The following KLHL20 variants were observed in gnomAD, a reference collection of about 807,000 sequenced individuals.
KLHL20 encodes kelch like family member 20.
A neutral mutation model predicts 69.5 loss-of-function variants in KLHL20; 29 were observed. That is an observed-to-expected ratio of 0.42 (90% CI 0.31 to 0.57). The LOEUF is 0.57. KLHL20 is among the 20% of genes least tolerant of loss of function. The probability of loss-of-function intolerance (pLI) is 0.18; values close to 1 mark genes in which losing one functional copy is unlikely to be tolerated. For missense variants in KLHL20, 419 were observed against 776.0 expected (o/e 0.54, Z 5.47); for synonymous variants, 253 against 265.2 (o/e 0.95, Z 0.45).
chr1:173,773,003 G>T (rs553349559), intron 8 of KLHL20, among the ~76,000 whole-genome samples: 5 of 152,282 alleles, frequency 3.3e-5, no homozygotes, highest in African/African-American at 9.6e-5. Flanking sequence ...TAGAGACAGG[G>T]TCTCACTCTG....
At chr1:173,754,308 C>A (rs574691513) in intron 5 of KLHL20, among the ~76,000 whole-genome samples, 2 of 151,932 alleles carry the variant, frequency 1.3e-5, no homozygotes, top group Admixed American at 1.3e-4. Context: ...ACAGACAGGC[C>A]GGGCGCAGTG....
intron 2 of KLHL20, among the ~76,000 whole-genome samples, chr1:173,720,418 T>C (rs1321629413): frequency 6.6e-6 from 1 of 151,890 alleles, no homozygotes; most frequent in Non-Finnish European, 1.5e-5. Context: ...TAGGGTATTT[T>C]GAGGAAGAAG....
At chr1:173,773,537 G>A (rs1648245509) in intron 8 of KLHL20, among the ~76,000 whole-genome samples, 1 of 151,892 alleles carries the variant, frequency 6.6e-6, no homozygotes, top group Non-Finnish European at 1.5e-5. Context: ...ATAATAAAAA[G>A]GTTGTCTCAA....
intron 3 of KLHL20, among the ~76,000 whole-genome samples, chr1:173,749,234 T>C (rs1445337356): frequency 3.3e-5 from 5 of 152,200 alleles, no homozygotes; most frequent in Non-Finnish European, 5.9e-5. Flanking sequence ...AAACATACAT[T>C]TTTAAATTGT....
At chr1:173,757,404 G>T (rs907884196) in intron 7 of KLHL20, among the ~76,000 whole-genome samples, 4 of 152,080 alleles carry the variant, frequency 2.6e-5, no homozygotes, top group Non-Finnish European at 5.9e-5. Flanking sequence ...ATTGCCTGCA[G>T]TTCCTTGGAC....
At chr1:173,730,631 A>G (rs1251394010) in intron 2 of KLHL20, among the ~76,000 whole-genome samples, 1 of 152,232 alleles carries the variant, frequency 6.6e-6, no homozygotes, top group African/African-American at 2.4e-5. Flanking sequence ...AGGATTCCCT[A>G]TTTAATAAAT....
chr1:173,738,560 T>C (rs1251837130), intron 3 of KLHL20, among the ~76,000 whole-genome samples: 1 of 152,198 alleles, frequency 6.6e-6, no homozygotes, highest in Non-Finnish European at 1.5e-5. Context: ...GTGGGCATCT[T>C]TGTCTTGTTC....
rs1160668086 is a variant in KLHL20, at chr1:173,740,406, G to A, written c.597+6120G>A. Among the ~76,000 whole-genome samples the A allele has an allele frequency of 5.3e-5, 8 of 151,682 alleles. No homozygotes were observed. The East Asian group carries it at 1.6e-3, about 29-fold the overall frequency. On this transcript the variant is annotated intron_variant, in intron 3 of 11. Transcript: ENST00000209884. ...ATTACAAGTGTGAGCCACCATGCCC[G>A]GCCTATCATTTCTTTTCTTCTGCTG... is the stretch of plus-strand genomic sequence containing the variant.
chr1:173,741,059 CCTT>C (rs932448960), intron 3 of KLHL20, among the ~76,000 whole-genome samples: 18 of 152,272 alleles, frequency 1.2e-4, no homozygotes, highest in African/African-American at 4.3e-4. Context: ...AAGATTATAT[CCTT>C]CTCCCATAAT....
chr1:173,779,182 C>A (rs1558225971), intron 10 of KLHL20, among the ~76,000 whole-genome samples: 1 of 152,052 alleles, frequency 6.6e-6, no homozygotes, highest in East Asian at 1.9e-4. Flanking sequence ...TTAATTTCTT[C>A]ATTTCTTCAT....
At chr1:173,740,011 A>G (rs372725395) in intron 3 of KLHL20, among the ~76,000 whole-genome samples, 1 of 151,198 alleles carries the variant, frequency 6.6e-6, no homozygotes, top group Non-Finnish European at 1.5e-5. Context: ...ATAATGGTCT[A>G]TCCATTTTGT....
chr1:173,730,661 A>T (rs1672225567), intron 2 of KLHL20, among the ~76,000 whole-genome samples: 1 of 152,246 alleles, frequency 6.6e-6, no homozygotes, highest in African/African-American at 2.4e-5. Context: ...AAAACTGGCT[A>T]GCTGTATGTA....
intron 3 of KLHL20, among the ~76,000 whole-genome samples, chr1:173,750,824 T>C (rs112791097): frequency 1.5e-4 from 23 of 152,042 alleles, no homozygotes. Context: ...GCCTCCCAAA[T>C]TGCTAGGATT....
At chr1:173,741,348 T>C (rs1672799421) in intron 3 of KLHL20, among the ~76,000 whole-genome samples, 1 of 152,200 alleles carries the variant, frequency 6.6e-6, no homozygotes, top group South Asian at 2.1e-4. Context: ...TTACATATTT[T>C]CTATTTTATA....
In KLHL20 at chr1:173,776,443, A is replaced by G. The variant is rs573581234; in HGVS notation, c.1638+601A>G. Among the ~76,000 whole-genome samples, 5 of 151,858 alleles carry G rather than the reference A, an allele frequency of 3.3e-5. 1 individual carries two copies. The highest frequency in any genetic ancestry group is 9.7e-5 in the African/African-American group (4 of 41,430). On this transcript the variant is annotated intron_variant, in intron 10 of 11. Coordinates refer to ENST00000209884, the MANE Select transcript of KLHL20 (RefSeq NM_014458.4). ...TGACTTAATGTGATCCCATTTGTCT[A>G]TTTTTTCTTTGGTTGCCTGTGCTTG...
intron 2 of KLHL20, among the ~76,000 whole-genome samples, chr1:173,725,941 G>A (rs568292354): frequency 1.3e-5 from 2 of 152,292 alleles, no homozygotes; most frequent in South Asian, 2.1e-4. Flanking sequence ...GCCAAAGCAG[G>A]GCGAGGCATC....
chr1:173,725,651 A>G (rs1671920004), intron 2 of KLHL20, among the ~76,000 whole-genome samples: 1 of 152,228 alleles, frequency 6.6e-6, no homozygotes, highest in Non-Finnish European at 1.5e-5. Flanking sequence ...ACACAAGTTT[A>G]GACAACACCT....
chr1:173,723,911 T>C (rs1671827923), intron 2 of KLHL20, among the ~76,000 whole-genome samples: 6 of 152,200 alleles, frequency 3.9e-5, no homozygotes. Context: ...TGTAGTAACC[T>C]GATAGGCTAT....
At chr1:173,731,559 C>A (rs1258790566) in intron 2 of KLHL20, among the ~76,000 whole-genome samples, 2 of 152,124 alleles carry the variant, frequency 1.3e-5, no homozygotes, top group Non-Finnish European at 2.9e-5. Context: ...GATTTCATGT[C>A]CTTTGTATGG....
Sources: allele counts gnomAD v4.1 joint callset (sites outside exome capture counted in the v4.1 genomes callset), GRCh38; gene constraint gnomAD v4.1.1; transcripts MANE v1.5; gene names NCBI Gene and HGNC (gene_info 2026-07-23, HGNC 2026-07-21).